Variants in COL8A1 observed in about 807,000 individuals in gnomAD.
The protein encoded by COL8A1 is collagen alpha-1(VIII) chain.
A neutral mutation model predicts 42.7 loss-of-function variants in COL8A1; 21 were observed. The observed-to-expected ratio is 0.49, with a 90% CI of 0.35 to 0.71. The LOEUF is 0.71. COL8A1 is among the 30% of genes least tolerant of loss of function. The probability of loss-of-function intolerance (pLI) is 0.01; values close to 1 mark genes in which losing one functional copy is unlikely to be tolerated. For missense variants in COL8A1, 788 were observed against 962.4 expected, an observed-to-expected ratio of 0.82 and a Z score of 2.40; for synonymous variants, 367 against 369.1, an observed-to-expected ratio of 0.99 and a Z score of 0.06.
At chr3:99,693,861 C>G (rs1014262765) in intron 1 of COL8A1, among the ~76,000 whole-genome samples, 1 of 152,344 alleles carries the variant, frequency 6.6e-6, no homozygotes, top group Non-Finnish European at 1.5e-5. Flanking sequence ...AGAGCAACTT[C>G]AAGTCCTACA....
intron 1 of COL8A1, among the ~76,000 whole-genome samples, chr3:99,720,970 T>C (rs1023439899): frequency 2.0e-5 from 3 of 151,910 alleles, no homozygotes; most frequent in African/African-American, 7.3e-5. Flanking sequence ...TTGATTTCAG[T>C]GTGGCGAGTA....
intron 2 of COL8A1, among the ~76,000 whole-genome samples, chr3:99,781,947 C>A (rs1941800669): frequency 6.6e-6 from 1 of 152,176 alleles, no homozygotes; most frequent in South Asian, 2.1e-4. Flanking sequence ...CACGAATTTC[C>A]CCTTTCCAAT....
intron 1 of COL8A1, among the ~76,000 whole-genome samples, chr3:99,732,656 C>G (rs193128029): frequency 6.6e-6 from 1 of 152,048 alleles, no homozygotes; most frequent in Non-Finnish European, 1.5e-5. Context: ...GGTGGGGACA[C>G]AGCCAAACCA....
At chr3:99,675,038 C>G (rs1477667113) in intron 1 of COL8A1, among the ~76,000 whole-genome samples, 2 of 152,038 alleles carry the variant, frequency 1.3e-5, no homozygotes, top group Non-Finnish European at 2.9e-5. Context: ...CTATGTCTAA[C>G]TAAGGCAGTC....
intron 1 of COL8A1, among the ~76,000 whole-genome samples, chr3:99,672,816 G>A (rs1394047952): frequency 6.6e-6 from 1 of 151,962 alleles, no homozygotes; most frequent in Non-Finnish European, 1.5e-5. Flanking sequence ...ATTATTCCAT[G>A]AACTGTGGAA....
At chr3:99,731,238 T>C (rs1379718984) in intron 1 of COL8A1, among the ~76,000 whole-genome samples, 3 of 152,146 alleles carry the variant, frequency 2.0e-5, no homozygotes, top group Non-Finnish European at 4.4e-5. Context: ...AATGAGTGCT[T>C]AACTTTAGAT....
At chr3:99,725,798 T>C (rs1940297812) in intron 1 of COL8A1, among the ~76,000 whole-genome samples, 1 of 152,126 alleles carries the variant, frequency 6.6e-6, no homozygotes, top group South Asian at 2.1e-4. Context: ...CAACATTTTC[T>C]TAATCCAGTC....
chr3:99,762,874 C>G (rs1941390588), intron 2 of COL8A1, among the ~76,000 whole-genome samples: 1 of 152,260 alleles, frequency 6.6e-6, no homozygotes, highest in South Asian at 2.1e-4. Flanking sequence ...GGCTGGAGGA[C>G]AGTCAGACCA....
intron 2 of COL8A1, among the ~76,000 whole-genome samples, chr3:99,763,789 C>T (rs2107428819): frequency 6.6e-6 from 1 of 152,316 alleles, no homozygotes; most frequent in Admixed American, 6.5e-5. Flanking sequence ...CAATTGGTCA[C>T]CATCTACTCT....
chr3:99,771,588 T>C (rs1941581906), intron 2 of COL8A1, among the ~76,000 whole-genome samples: 8 of 152,214 alleles, frequency 5.3e-5, no homozygotes, highest in Non-Finnish European at 1.2e-4. Context: ...ATGTGCTTTC[T>C]GCAAAACAGT....
rs376069882 is a variant in COL8A1, at chr3:99,795,147, G to A, written c.1246G>A (p.Gly416Ser). The A allele has an allele frequency of 8.7e-6, 14 of 1,613,680 alleles. No individual in the cohort carries two copies. Among genetic ancestry groups the A allele is most frequent in the Non-Finnish European group, 1.2e-5 (14 of 1,179,850 alleles). Reference sequence around the variant, plus strand: ...TGGTTTTCCTGGACCCAAAGGAGAAGGTGGGATTGTAGGGCCACAGGGGCC... The same window carrying A: ...TGGTTTTCCTGGACCCAAAGGAGAAAGTGGGATTGTAGGGCCACAGGGGCC... ...AIGFPGPKGE[G>S]GIVGPQGPPG... Residue 416 changes from glycine to serine, a missense_variant, in exon 4 of 4, where the codon GGT (glycine) becomes AGT (serine). Transcript: ENST00000652472.
At chr3:99,652,792 C>T (rs1247479965) in intron 1 of COL8A1, among the ~76,000 whole-genome samples, 4 of 152,142 alleles carry the variant, frequency 2.6e-5, no homozygotes, top group African/African-American at 4.8e-5. Flanking sequence ...TTAAAGGACA[C>T]CCATTTTAAA....
intron 1 of COL8A1, among the ~76,000 whole-genome samples, chr3:99,720,698 T>C (rs1277816189): frequency 6.6e-6 from 1 of 152,160 alleles, no homozygotes; most frequent in Admixed American, 6.6e-5. Context: ...TCTGTGTGAA[T>C]TGGCTCATCA....
chr3:99,694,212 G>A (rs557812379), intron 1 of COL8A1, among the ~76,000 whole-genome samples: 1 of 152,184 alleles, frequency 6.6e-6, no homozygotes, highest in African/African-American at 2.4e-5. Context: ...GCTGGGTGCA[G>A]TGGCTCACAC....
intron 1 of COL8A1, among the ~76,000 whole-genome samples, chr3:99,735,881 AG>A (rs1340650152): frequency 6.6e-6 from 1 of 151,912 alleles, no homozygotes; most frequent in Non-Finnish European, 1.5e-5. Context: ...TAGTCTTGGG[AG>A]GGTGTATGTG....
chr3:99,696,494 A>G (rs1161721109), intron 1 of COL8A1, among the ~76,000 whole-genome samples: 1 of 152,176 alleles, frequency 6.6e-6, no homozygotes, highest in Non-Finnish European at 1.5e-5. Context: ...CTAAGGCAGA[A>G]AGAGAGCTTG....
chr3:99,747,357 G>T (rs1224514596), intron 2 of COL8A1, among the ~76,000 whole-genome samples: 1 of 152,086 alleles, frequency 6.6e-6, no homozygotes, highest in Non-Finnish European at 1.5e-5. Context: ...AAATAATATG[G>T]GTTGAACTGA....
intron 3 of COL8A1, among the ~76,000 whole-genome samples, chr3:99,793,557 A>G (rs1398943931): frequency 6.6e-6 from 1 of 152,120 alleles, no homozygotes; most frequent in Non-Finnish European, 1.5e-5. Context: ...TACATCTTTG[A>G]ATCTTCCAAA....
chr3:99,725,299 C>A (rs185034481), intron 1 of COL8A1, among the ~76,000 whole-genome samples: 1 of 152,118 alleles, frequency 6.6e-6, no homozygotes, highest in African/African-American at 2.4e-5. Flanking sequence ...CTCTTAGCTT[C>A]TTTTAAACGT....
Sources: allele counts gnomAD v4.1 joint callset (sites outside exome capture counted in the v4.1 genomes callset), GRCh38; gene constraint gnomAD v4.1.1; transcripts MANE v1.5; gene names NCBI Gene and HGNC (gene_info 2026-07-23, HGNC 2026-07-21).